PITPNA: variants seen among roughly 807,000 people sequenced by gnomAD.
PITPNA encodes phosphatidylinositol transfer protein alpha.
In PITPNA, 13 loss-of-function variants were observed where a neutral mutation model predicts 50.3. That is an observed-to-expected ratio of 0.26 (90% CI 0.17 to 0.41). The LOEUF is 0.41. Ranked by LOEUF, PITPNA falls within the 10% of genes least tolerant of loss-of-function variation. The pLI is 1.00. For missense variants in PITPNA, 207 were observed against 333.4 expected (o/e 0.62, Z 2.95); for synonymous variants, 120 against 119.6 (o/e 1.00, Z -0.02).
chr17:1,550,007 C>T (rs2075700070), intron 3 of PITPNA, among the ~76,000 whole-genome samples: 1 of 152,174 alleles, frequency 6.6e-6, no homozygotes, highest in Non-Finnish European at 1.5e-5. Context: ...TCTGTCCAGT[C>T]TTTGGCAAGC....
intron 1 of PITPNA, among the ~76,000 whole-genome samples, chr17:1,560,364 T>C (rs2075761898): frequency 6.7e-6 from 1 of 150,270 alleles, no homozygotes. Flanking sequence ...GCTGCAACGC[T>C]GCGGCCACAG....
chr17:1,537,096 ACT>A (rs754675945), intron 7 of PITPNA, among the ~76,000 whole-genome samples: 166 of 133,556 alleles, frequency 1.2e-3, no homozygotes, highest in African/African-American at 4.5e-3. Context: ...ACACAGTTTC[ACT>A]CTTTTTGCCC....
At chr17:1,535,900 T>G (rs1335128266) in intron 7 of PITPNA, 1 of 226,430 alleles carries the variant, frequency 4.4e-6, no homozygotes, top group Non-Finnish European at 8.8e-6. Context: ...TGAGAATATC[T>G]GCAGGTGACG....
intron 7 of PITPNA, 32 bp downstream of exon 7, chr17:1,538,837 G>C (rs1348514572): frequency 6.9e-7 from 1 of 1,444,422 alleles, no homozygotes; most frequent in Non-Finnish European, 9.7e-7. Flanking sequence ...TCTGCGTCTC[G>C]AAGGCCACCC....
intron 6 of PITPNA, among the ~76,000 whole-genome samples, chr17:1,539,666 G>A (rs1284432041): frequency 1.3e-5 from 2 of 152,126 alleles, no homozygotes; most frequent in Non-Finnish European, 2.9e-5. Flanking sequence ...CTGAGGAGCT[G>A]GGCCTGAGTG....
At chr17:1,553,217 CCAGT>C (rs1193529730) in intron 2 of PITPNA, 68 bp from the exon 3 acceptor site, 3 of 1,546,354 alleles carry the variant, frequency 1.9e-6, no homozygotes, top group Middle Eastern at 1.7e-4. Context: ...AATCCAGCTG[CCAGT>C]AAGTGTCTAA....
In PITPNA at chr17:1,518,206, C is replaced by T. The variant is rs992347900; in HGVS notation, c.*2355G>A. 13 of 152,388 alleles carry T rather than the reference C, an allele frequency of 8.5e-5. No individual in the cohort carries two copies. Among genetic ancestry groups the T allele is most frequent in the East Asian group, 1.9e-4 (1 of 5,188 alleles). 9.4% of individuals were successfully genotyped at this position (152,388 alleles called of 1,614,324 possible). On this transcript the variant is annotated 3_prime_UTR_variant, in exon 12 of 12. Transcript: ENST00000313486. ...ACTTGGGAAGCTATACACATGCCCA[C>T]GATACTGACCCTGTCCCGGACCTCT...
chr17:1,523,496 C>T (rs2075527213), intron 10 of PITPNA, among the ~76,000 whole-genome samples: 1 of 149,684 alleles, frequency 6.7e-6, no homozygotes. Flanking sequence ...CATGTGCCAC[C>T]ACGCCTGGCT....
intron 10 of PITPNA, among the ~76,000 whole-genome samples, chr17:1,526,267 G>A (rs1333761643): frequency 6.6e-6 from 1 of 152,214 alleles, no homozygotes; most frequent in Non-Finnish European, 1.5e-5. Context: ...TCTACAAAAT[G>A]ATCAGCCTAT....
intron 5 of PITPNA, 96 bp downstream of exon 5, chr17:1,542,924 A>G: frequency 1.1e-6 from 1 of 931,738 alleles, no homozygotes; most frequent in South Asian, 1.4e-5. Context: ...ACATCAGCCA[A>G]GGGAAAGAAC....
intron 2 of PITPNA, 61 bp from the exon 3 acceptor site, chr17:1,553,210 C>T: frequency 6.3e-7 from 1 of 1,576,922 alleles, no homozygotes; most frequent in Non-Finnish European, 8.7e-7. Context: ...TACACGTAAT[C>T]CAGCTGCCAG....
At position 1,559,362 on chromosome 17, in the gene PITPNA, A is replaced by G. The variant is rs190115309; in HGVS notation, c.21-803T>C. ...CCTATTGGAGAAGCCGTGGCCGGCAAAGTCTCCGCCAGGGCCAGAACCCCA... is the reference window on the plus strand; with the variant it reads ...CCTATTGGAGAAGCCGTGGCCGGCAGAGTCTCCGCCAGGGCCAGAACCCCA... On this transcript the variant is annotated intron_variant, in intron 1 of 11. Coordinates refer to ENST00000313486, the MANE Select transcript of PITPNA (RefSeq NM_006224.4). The G allele has an allele frequency of 5.3e-5, 8 of 152,348 alleles. No homozygotes were observed. The East Asian group carries it at 1.5e-3, about 29-fold the overall frequency. 9.4% of individuals were successfully genotyped at this position (152,348 alleles called of 1,614,324 possible).
intron 3 of PITPNA, among the ~76,000 whole-genome samples, chr17:1,549,186 A>G (rs940968981): frequency 4.0e-5 from 6 of 150,778 alleles, no homozygotes; most frequent in African/African-American, 1.5e-4. Flanking sequence ...GATTACAGGC[A>G]TGAGCCACCG....
chr17:1,548,443 G>A, intron 3 of PITPNA, 56 bp from the exon 4 acceptor site: 3 of 1,247,282 alleles, frequency 2.4e-6, no homozygotes, highest in Non-Finnish European at 3.4e-6. Context: ...AAGGAGACAA[G>A]AGGCTTTTCA....
intron 10 of PITPNA, among the ~76,000 whole-genome samples, chr17:1,530,032 CTG>C (rs1179353273): frequency 6.6e-6 from 1 of 152,036 alleles, no homozygotes. Context: ...AAACTAATAC[CTG>C]TGTTACAGGT....
intron 10 of PITPNA, among the ~76,000 whole-genome samples, 168 bp from the exon 11 acceptor site, chr17:1,521,813 G>A (rs1025780187): frequency 1.3e-5 from 2 of 151,410 alleles, no homozygotes; most frequent in Middle Eastern, 3.2e-3. Flanking sequence ...TTCCAGATCT[G>A]TGTCACTGGT....
intron 7 of PITPNA, among the ~76,000 whole-genome samples, chr17:1,537,190 A>G (rs2075623318): frequency 6.6e-6 from 1 of 151,978 alleles, no homozygotes; most frequent in South Asian, 2.1e-4. Context: ...CAGTCTCCTA[A>G]GTAGCTGGGA....
At chr17:1,541,674 T>C (rs1010982537) in intron 5 of PITPNA, 34 bp from the exon 6 acceptor site, 1 of 1,389,246 alleles carries the variant, frequency 7.2e-7, no homozygotes, top group South Asian at 1.2e-5. Context: ...TGAAAGTCAC[T>C]AGGTTCACAG....
At chr17:1,550,507 C>G (rs1331552509) in intron 3 of PITPNA, among the ~76,000 whole-genome samples, 1 of 151,994 alleles carries the variant, frequency 6.6e-6, no homozygotes, top group Non-Finnish European at 1.5e-5. Flanking sequence ...AAGGAGACAC[C>G]TGAAGCTGGA....
Sources: gnomAD v4.1 joint callset for allele counts (sites outside exome capture counted in the v4.1 genomes callset) on GRCh38, gnomAD v4.1.1 for gene constraint, MANE v1.5 for transcripts, NCBI Gene and HGNC (gene_info 2026-07-23, HGNC 2026-07-21) for gene names.